DAB1: variants seen among roughly 807,000 people sequenced by gnomAD.
DAB1 encodes disabled homolog 1.
Under a neutral mutation model 64.6 loss-of-function variants are expected in DAB1, and 15 were observed. The observed-to-expected ratio is 0.23, with a 90% CI of 0.16 to 0.36. The LOEUF (loss-of-function observed/expected upper bound fraction) is 0.36. Ranked by LOEUF, DAB1 falls within the 10% of genes least tolerant of loss-of-function variation. DAB1 has a pLI of 1.00. For missense variants in DAB1, 596 were observed against 706.7 expected (o/e 0.84, Z 1.78); for synonymous variants, 235 against 251.9 (o/e 0.93, Z 0.64).
chr1:57,247,951 C>A (rs778986824), intron 2 of DAB1, among the ~76,000 whole-genome samples: 1 of 152,186 alleles, frequency 6.6e-6, no homozygotes, highest in Non-Finnish European at 1.5e-5. Context: ...TTCACCTACT[C>A]AGTACTGTCA....
chr1:58,412,614 C>T (rs1011832171), intron 3 of DAB1, among the ~76,000 whole-genome samples: 7 of 152,302 alleles, frequency 4.6e-5, no homozygotes, highest in African/African-American at 1.7e-4. Context: ...GAATTTGGTA[C>T]ATAAGTCTGG....
chr1:57,567,102 G>T (rs1336695173), intron 7 of DAB1, among the ~76,000 whole-genome samples: 1 of 152,100 alleles, frequency 6.6e-6, no homozygotes, highest in Non-Finnish European at 1.5e-5. Flanking sequence ...TTCATGCCTG[G>T]GATGCAAGGC....
intron 3 of DAB1, among the ~76,000 whole-genome samples, chr1:57,138,707 A>G (rs1462793088): frequency 1.3e-5 from 2 of 152,214 alleles, no homozygotes; most frequent in African/African-American, 4.8e-5. Flanking sequence ...TTGGAATCCC[A>G]GAGGTAACTC....
intron 5 of DAB1, among the ~76,000 whole-genome samples, chr1:58,072,754 A>G (rs1161002427): frequency 6.6e-6 from 1 of 152,246 alleles, no homozygotes; most frequent in Admixed American, 6.5e-5. Context: ...TTAGACAAGA[A>G]CAATAAAATC....
chr1:57,692,458 T>C (rs1256971970), intron 6 of DAB1, among the ~76,000 whole-genome samples: 1 of 150,246 alleles, frequency 6.7e-6, no homozygotes, highest in Non-Finnish European at 1.5e-5. Flanking sequence ...GAGGAAGAGA[T>C]GGACAAAGAA....
At chr1:57,191,981 A>T (rs995805558) in intron 2 of DAB1, among the ~76,000 whole-genome samples, 3 of 152,122 alleles carry the variant, frequency 2.0e-5, no homozygotes, top group Admixed American at 6.5e-5. Context: ...CACAAATATA[A>T]TCGCTGCTCT....
In DAB1 at chr1:57,770,666, T is replaced by A. The variant is rs557313737; in HGVS notation, n.551+113333A>T. Among the ~76,000 whole-genome samples, 6 of 152,344 alleles carry A rather than the reference T, an allele frequency of 3.9e-5. No homozygotes were observed. In the East Asian group the frequency reaches 1.2e-3, roughly 29 times the overall value. Reference sequence around the variant, plus strand: ...CAAAAATCAGTTCAGGAATTTTTTTTAATGCCATCTAATACAAGTTTAATA... The same window carrying A: ...CAAAAATCAGTTCAGGAATTTTTTTAAATGCCATCTAATACAAGTTTAATA... On this transcript the variant is annotated intron_variant and non_coding_transcript_variant, in intron 6 of 20. Transcript: ENST00000485760.
chr1:58,037,786 T>G (rs1283412115), intron 5 of DAB1, among the ~76,000 whole-genome samples: 3 of 152,162 alleles, frequency 2.0e-5, no homozygotes, highest in African/African-American at 7.2e-5. Flanking sequence ...TTCCTTCCTT[T>G]CCTCACCCCA....
At chr1:57,853,808 G>C (rs1191603600) in intron 1 of DAB1, among the ~76,000 whole-genome samples, 4 of 152,090 alleles carry the variant, frequency 2.6e-5, no homozygotes, top group African/African-American at 9.7e-5. Flanking sequence ...CAGATGAATG[G>C]TACCCAGACT....
chr1:57,046,641 T>C (rs1238271085), intron 9 of DAB1, among the ~76,000 whole-genome samples: 2 of 152,220 alleles, frequency 1.3e-5, no homozygotes, highest in African/African-American at 4.8e-5. Flanking sequence ...CTGTGAATGT[T>C]AATGATCTGT....
intron 7 of DAB1, among the ~76,000 whole-genome samples, chr1:57,475,091 C>T (rs1227180792): frequency 6.6e-6 from 1 of 152,156 alleles, no homozygotes; most frequent in Non-Finnish European, 1.5e-5. Context: ...GAAACCCCAT[C>T]TCTACTAAAA....
chr1:57,754,605 GA>G (rs960648370), intron 6 of DAB1, among the ~76,000 whole-genome samples: 4 of 151,738 alleles, frequency 2.6e-5, no homozygotes, highest in African/African-American at 4.8e-5. Context: ...AGAATCGCTT[GA>G]AAAAAAACGG....
At chr1:57,657,244 G>T (rs1646329582) in intron 6 of DAB1, among the ~76,000 whole-genome samples, 1 of 152,154 alleles carries the variant, frequency 6.6e-6, no homozygotes, top group Admixed American at 6.5e-5. Flanking sequence ...ATCATATTAG[G>T]GTTACCTCAT....
In DAB1 at chr1:57,625,124, A is replaced by G. The variant is rs546261442; in HGVS notation, n.625+24468T>C. The stretch of plus-strand genomic sequence containing the variant: ...AGGCGAGTTTAAAATGTTCCACAAC[A>G]ACCTTCTCTCCCATGGTCCTTTTCT... On this transcript the variant is annotated intron_variant and non_coding_transcript_variant, in intron 7 of 20. Transcript: ENST00000485760. 1.3e-4 allele frequency among the ~76,000 whole-genome samples: 20 copies of G among 152,252 alleles called. No homozygotes were observed. In the South Asian group the frequency reaches 2.1e-3, roughly 16 times the overall value.
chr1:57,033,600 G>A (rs202206514), intron 9 of DAB1: 14 of 1,599,200 alleles, frequency 8.8e-6, no homozygotes, highest in Non-Finnish European at 1.0e-5. Context: ...TGATGAATGA[G>A]GATGAAGTGA....
chr1:57,236,327 T>C (rs551183859), intron 2 of DAB1, among the ~76,000 whole-genome samples: 1 of 152,130 alleles, frequency 6.6e-6, no homozygotes, highest in South Asian at 2.1e-4. Context: ...AAGCTCACAG[T>C]TGAGTAGGGG....
intron 5 of DAB1, among the ~76,000 whole-genome samples, chr1:57,966,921 T>C (rs1645679699): frequency 6.6e-6 from 1 of 152,224 alleles, no homozygotes; most frequent in African/African-American, 2.4e-5. Context: ...TGCATAGACC[T>C]GTTGAACATG....
intron 7 of DAB1, among the ~76,000 whole-genome samples, chr1:57,468,006 C>G (rs906623285): frequency 2.0e-5 from 3 of 152,208 alleles, no homozygotes; most frequent in African/African-American, 7.2e-5. Context: ...TATTCCTGAA[C>G]TCCTGGGGCT....
At chr1:57,721,893 T>G (rs1647155592) in intron 6 of DAB1, among the ~76,000 whole-genome samples, 2 of 152,188 alleles carry the variant, frequency 1.3e-5, no homozygotes, top group Non-Finnish European at 2.9e-5. Context: ...TTATTGCCAT[T>G]ATGATTCCCA....
Sources: allele counts gnomAD v4.1 joint callset (sites outside exome capture counted in the v4.1 genomes callset), GRCh38; gene constraint gnomAD v4.1.1; transcripts MANE v1.5; gene names NCBI Gene and HGNC (gene_info 2026-07-23, HGNC 2026-07-21).